CLEC2A: variants seen among roughly 807,000 people sequenced by gnomAD.
The protein encoded by CLEC2A is keratinocyte-associated C-type lectin.
A neutral mutation model predicts 18.6 loss-of-function variants in CLEC2A; 19 were observed. The ratio of observed to expected loss-of-function variants is 1.02; its 90% confidence interval spans 0.71 to 1.50. The LOEUF is 1.50. Ranked by LOEUF, CLEC2A falls within the 40% of genes most tolerant of loss-of-function variation. The pLI is 0.00. For synonymous variants in CLEC2A, 74 were observed against 64.0 expected (o/e 1.16, Z -0.75); for missense variants, 190 against 207.9 (o/e 0.91, Z 0.53).
intron 3 of CLEC2A, among the ~76,000 whole-genome samples, chr12:9,917,515 C>G (rs1051323787): frequency 6.6e-6 from 1 of 152,158 alleles, no homozygotes; most frequent in African/African-American, 2.4e-5. Flanking sequence ...CTTACCCAAT[C>G]CAAATATACA....
At chr12:9,885,908 T>C in the CLEC2A span, among the ~76,000 whole-genome samples, 1 of 152,072 alleles carries the variant, frequency 6.6e-6, no homozygotes, top group Non-Finnish European at 1.5e-5. Flanking sequence ...CCAGTAATTC[T>C]AAGAAGTTGA....
intron 4 of CLEC2A, among the ~76,000 whole-genome samples, chr12:9,906,023 T>TAG (rs144408147): frequency 0.42 from 55,914 of 132,778 alleles, 11,658 homozygotes; most frequent in Non-Finnish European, 0.49. Flanking sequence ...CTTATTAGTT[T>TAG]TGTTTTTTTT....
intron 4 of CLEC2A, among the ~76,000 whole-genome samples, chr12:9,916,162 C>T (rs1034684627): frequency 1.3e-5 from 2 of 151,760 alleles, no homozygotes; most frequent in Admixed American, 6.6e-5. Flanking sequence ...ACCATTTTAA[C>T]CCAAGAAACA....
intron 3 of CLEC2A, among the ~76,000 whole-genome samples, chr12:9,917,048 C>T (rs1440197620): frequency 6.6e-6 from 1 of 152,018 alleles, no homozygotes; most frequent in Non-Finnish European, 1.5e-5. Context: ...TCATTGATAC[C>T]CTTTAGTATG....
intron 1 of CLEC2A, among the ~76,000 whole-genome samples, chr12:9,930,197 A>T (rs73048830): frequency 1.4e-4 from 21 of 152,138 alleles, no homozygotes; most frequent in Non-Finnish European, 2.6e-4. Context: ...CCGTCTCTAA[A>T]TTTTCCTTTT....
At chr12:9,907,933 A>G (rs1401020069) in intron 4 of CLEC2A, among the ~76,000 whole-genome samples, 8 of 152,192 alleles carry the variant, frequency 5.3e-5, no homozygotes, top group Non-Finnish European at 7.3e-5. Context: ...AGGATGGTGT[A>G]AGGGTTAGGG....
chr12:9,918,127 A>ATT (rs897904736), intron 3 of CLEC2A, among the ~76,000 whole-genome samples: 1 of 149,912 alleles, frequency 6.7e-6, no homozygotes, highest in East Asian at 2.0e-4. Context: ...CAATTTTTGC[A>ATT]TTTTTTTTTA....
chr12:9,881,048 G>T, the CLEC2A span, among the ~76,000 whole-genome samples: 2 of 152,118 alleles, frequency 1.3e-5, no homozygotes, highest in Non-Finnish European at 2.9e-5. Context: ...AAGTGATTCC[G>T]ATTTTCACTA....
intron 1 of CLEC2A, among the ~76,000 whole-genome samples, chr12:9,927,757 T>C (rs937939106): frequency 4.6e-5 from 7 of 152,106 alleles, no homozygotes; most frequent in Admixed American, 1.3e-4. Context: ...AAAGAGAATG[T>C]TTGATAGGAA....
At chr12:9,893,939 C>G (rs887973927), downstream of CLEC2A, among the ~76,000 whole-genome samples, 1 of 152,090 alleles carries the variant, frequency 6.6e-6, no homozygotes, top group Non-Finnish European at 1.5e-5. Context: ...GTAGAAAGGT[C>G]TGGAGTTGAA....
chr12:9,927,605 CTCTT>C (rs1467530349), intron 1 of CLEC2A, among the ~76,000 whole-genome samples: 2 of 152,232 alleles, frequency 1.3e-5, no homozygotes, highest in Middle Eastern at 3.4e-3. Context: ...CATGTTTTCT[CTCTT>C]TCTTCAGAAC....
At chr12:9,930,263 C>T (rs1344466323) in intron 1 of CLEC2A, among the ~76,000 whole-genome samples, 1 of 152,074 alleles carries the variant, frequency 6.6e-6, no homozygotes, top group Non-Finnish European at 1.5e-5. Context: ...CTAATTTTAA[C>T]GTGGTAAAGA....
rs1056515403 is a variant in CLEC2A at position 9,932,311 on chromosome 12, G to T, written c.19C>A (p.Arg7=). MINPEL[R]DGRADGFIHR... ...ATGAAGCCATCAGCTCTGCCATCCC[G>T]CAGCTCTGGATTAATCATGGCAAGG... is the stretch of plus-strand genomic sequence containing the variant. Residue 7 remains arginine (R), a synonymous_variant, in exon 1 of 5, where the codon CGG becomes AGG. Transcript: ENST00000455827. 1.9e-6 allele frequency: 3 copies of T among 1,551,766 alleles called. No homozygotes were observed. The highest frequency in any genetic ancestry group is 2.6e-6 in the Non-Finnish European group (3 of 1,146,928).
chr12:9,910,947 A>C (rs1468352535), downstream of CLEC2A, among the ~76,000 whole-genome samples: 2 of 152,202 alleles, frequency 1.3e-5, no homozygotes, highest in Non-Finnish European at 2.9e-5. Context: ...GCAAAGAAGA[A>C]CCAGCACTGA....
At chr12:9,895,981 A>G (rs1285240563), downstream of CLEC2A, 24 of 716,270 alleles carry the variant, frequency 3.4e-5, no homozygotes, top group Non-Finnish European at 4.3e-5. Flanking sequence ...TGAATTGACT[A>G]TAAAGACAAC....
chr12:9,895,018 G>T (rs184962554), downstream of CLEC2A, among the ~76,000 whole-genome samples: 12 of 152,250 alleles, frequency 7.9e-5, no homozygotes, highest in East Asian at 2.3e-3. Context: ...TAACTAGAAA[G>T]AATAGTTTAC....
chr12:9,931,856 A>T (rs1418152658), intron 1 of CLEC2A, among the ~76,000 whole-genome samples: 1 of 152,254 alleles, frequency 6.6e-6, no homozygotes, highest in Non-Finnish European at 1.5e-5. Context: ...CACTGAAAAC[A>T]AACTTCATTG....
chr12:9,911,592 A>G (rs1565529731), downstream of CLEC2A, among the ~76,000 whole-genome samples: 1 of 152,218 alleles, frequency 6.6e-6, no homozygotes, highest in African/African-American at 2.4e-5. Flanking sequence ...GCATTTTACC[A>G]ATAATTTTTA....
the CLEC2A span, chr12:9,884,927 A>T: frequency 9.8e-7 from 1 of 1,018,408 alleles, no homozygotes; most frequent in Non-Finnish European, 1.3e-6. Flanking sequence ...AAAATTCAAC[A>T]TTTCAGATTT....
Sources: allele counts gnomAD v4.1 joint callset (sites outside exome capture counted in the v4.1 genomes callset), GRCh38; gene constraint gnomAD v4.1.1; transcripts MANE v1.5; gene names NCBI Gene and HGNC (gene_info 2026-07-23, HGNC 2026-07-21).